Variants in DHX15 observed in about 807,000 individuals in gnomAD.
DHX15 encodes ATP-dependent RNA helicase DHX15.
DHX15 carries 11 observed loss-of-function variants against 94.4 expected under a neutral mutation model. The observed-to-expected ratio is 0.12, with a 90% CI of 0.07 to 0.19. The LOEUF (loss-of-function observed/expected upper bound fraction) is 0.19. Among genes scored for constraint, DHX15 ranks in the 10% least tolerant of loss-of-function variants. The pLI is 1.00. For synonymous variants in DHX15, 338 were observed against 329.9 expected (o/e 1.02, Z -0.27); for missense variants, 304 against 988.5 (o/e 0.31, Z 9.29).
Position 24,573,917 on chromosome 4 carries a change from C to T in DHX15, c.507+2326G>A, listed in dbSNP as rs1240999165. On this transcript the variant is annotated intron_variant, in intron 2 of 13. Transcript: ENST00000336812. ...GTCTGTCAAAAGCTAAAGTCATGGC[C>T]CGGTGCAGTGGCTTGGGCCTGTAAT... Among the ~76,000 whole-genome samples the T allele has an allele frequency of 2.0e-5, 3 of 148,108 alleles. No homozygotes were observed. In the Admixed American group the frequency reaches 2.0e-4, roughly 10 times the overall value.
rs1720988780 is a variant in DHX15, at chr4:24,527,640, C to T, written c.*284G>A. On this transcript the variant is annotated 3_prime_UTR_variant, in exon 14 of 14. Coordinates refer to ENST00000336812, the MANE Select transcript of DHX15 (RefSeq NM_001358.3). The stretch of plus-strand genomic sequence containing the variant: ...AATCACATTTTAGAAGCATTTTCAA[C>T]CATTTCTAAAGAAATGCTTATAACA... The T allele has an allele frequency of 3.6e-6, 1 of 277,338 alleles. No homozygotes were observed. The highest frequency in any genetic ancestry group is 2.2e-5 in the African/African-American group (1 of 46,048). 17.2% of individuals were successfully genotyped at this position (277,338 alleles called of 1,614,324 possible). A position where few individuals can be genotyped will look rare whatever the true frequency, so the allele number is the denominator to read the frequency against.
At chr4:24,568,901 ATTTATTCAG>A (rs1324292990) in intron 3 of DHX15, among the ~76,000 whole-genome samples, 1 of 152,260 alleles carries the variant, frequency 6.6e-6, no homozygotes, top group East Asian at 1.9e-4. Flanking sequence ...AACTACAAGA[ATTTATTCAG>A]TGAAGATTAA....
chr4:24,573,561 T>G (rs1560775427), intron 2 of DHX15, among the ~76,000 whole-genome samples: 1 of 151,978 alleles, frequency 6.6e-6, no homozygotes, highest in Non-Finnish European at 1.5e-5. Context: ...ATCGAAACTT[T>G]TGTTATGAGC....
At chr4:24,555,968 G>C (rs1037071295) in intron 4 of DHX15, among the ~76,000 whole-genome samples, 28 of 152,062 alleles carry the variant, frequency 1.8e-4, no homozygotes, top group Non-Finnish European at 1.5e-5. Flanking sequence ...CTTAATGAAG[G>C]GTACAGTGAG....
chr4:24,577,029 T>C (rs1349250653), intron 1 of DHX15, among the ~76,000 whole-genome samples: 60 of 152,178 alleles, frequency 3.9e-4, no homozygotes, highest in Admixed American at 3.9e-3. Context: ...TAAAAGAAGA[T>C]GGCATCTCAA....
intron 1 of DHX15, among the ~76,000 whole-genome samples, chr4:24,577,761 AG>A (rs1722306829): frequency 6.6e-6 from 1 of 152,170 alleles, no homozygotes; most frequent in African/African-American, 2.4e-5. Context: ...GGCTGAAAGC[AG>A]CCTCTGGGAG....
At chr4:24,539,939 C>T (rs1721275363) in intron 10 of DHX15, 169 bp downstream of exon 10, 1 of 470,860 alleles carries the variant, frequency 2.1e-6, no homozygotes, top group Non-Finnish European at 3.7e-6. Flanking sequence ...CTTTTGTAAG[C>T]ACTATGTCAT....
chr4:24,573,331 T>G (rs1722167887), intron 2 of DHX15, among the ~76,000 whole-genome samples: 2 of 152,212 alleles, frequency 1.3e-5, no homozygotes, highest in Non-Finnish European at 2.9e-5. Context: ...TCCTGTGAAG[T>G]CTTATATGTT....
At chr4:24,544,125 T>TA (rs1171338529) in intron 6 of DHX15, among the ~76,000 whole-genome samples, 6 of 152,062 alleles carry the variant, frequency 3.9e-5, no homozygotes, top group Non-Finnish European at 7.4e-5. Flanking sequence ...AGTTCCATCT[T>TA]AAAAAAACAC....
intron 3 of DHX15, among the ~76,000 whole-genome samples, chr4:24,566,007 G>A (rs1037121909): frequency 2.0e-5 from 3 of 151,752 alleles, no homozygotes; most frequent in Non-Finnish European, 2.9e-5. Flanking sequence ...TATGCTCTAG[G>A]ATCTATTTCC....
chr4:24,529,943 A>T (rs1721039056), intron 12 of DHX15, 173 bp from the exon 13 acceptor site: 1 of 649,120 alleles, frequency 1.5e-6, no homozygotes, highest in Admixed American at 3.0e-5. Flanking sequence ...CTGTGGGCCA[A>T]ATCCAACTCA....
At chr4:24,531,848 A>G (rs982727182) in intron 12 of DHX15, among the ~76,000 whole-genome samples, 7 of 152,234 alleles carry the variant, frequency 4.6e-5, no homozygotes, top group African/African-American at 9.6e-5. Flanking sequence ...AACTCTAATA[A>G]GCCTATTATA....
intron 3 of DHX15, among the ~76,000 whole-genome samples, chr4:24,560,068 G>A (rs116149067): frequency 0.01 from 1,580 of 152,094 alleles, 25 homozygotes; most frequent in African/African-American, 0.036. Context: ...TTTTGCAACA[G>A]GCACATGTAG....
chr4:24,550,862 A>G lies in DHX15; in HGVS notation c.1081-1840T>C, dbSNP rs369810006. Among the ~76,000 whole-genome samples the G allele has an allele frequency of 7.3e-4, 111 of 152,354 alleles. 1 individual carries two copies. The South Asian group carries it at 0.022, about 30-fold the overall frequency. ...CTGGACATAATTGTACATACTATATAGTACTTTTAAAACAACTGGCAGCAA... is the reference window on the plus strand; with the variant it reads ...CTGGACATAATTGTACATACTATATGGTACTTTTAAAACAACTGGCAGCAA... On this transcript the variant is annotated intron_variant, in intron 5 of 13. Coordinates refer to ENST00000336812, the MANE Select transcript of DHX15 (RefSeq NM_001358.3).
At chr4:24,579,815 G>T (rs771444104) in intron 1 of DHX15, among the ~76,000 whole-genome samples, 1 of 152,140 alleles carries the variant, frequency 6.6e-6, no homozygotes, top group Non-Finnish European at 1.5e-5. Context: ...CACCAGGCTG[G>T]AGTGCAGTGG....
intron 4 of DHX15, among the ~76,000 whole-genome samples, chr4:24,555,405 T>C (rs934703495): frequency 6.6e-6 from 1 of 152,118 alleles, no homozygotes; most frequent in Non-Finnish European, 1.5e-5. Flanking sequence ...ACTAAAACCT[T>C]GGTAGCACAA....
intron 5 of DHX15, among the ~76,000 whole-genome samples, chr4:24,553,798 A>C (rs1006910005): frequency 6.6e-6 from 1 of 152,112 alleles, no homozygotes; most frequent in Non-Finnish European, 1.5e-5. Flanking sequence ...CCCCAAAAAG[A>C]AAAAGAAAAA....
chr4:24,566,243 T>C (rs575206276), intron 3 of DHX15, among the ~76,000 whole-genome samples: 32 of 151,942 alleles, frequency 2.1e-4, no homozygotes, highest in Non-Finnish European at 3.1e-4. Context: ...AGAGCCAGGG[T>C]CTCACTATGT....
intron 3 of DHX15, among the ~76,000 whole-genome samples, chr4:24,566,654 T>C (rs1185626292): frequency 1.3e-5 from 2 of 151,980 alleles, no homozygotes; most frequent in Non-Finnish European, 2.9e-5. Flanking sequence ...GGTGAAACTC[T>C]GTCTCTACTA....
Sources: gnomAD v4.1 joint callset for allele counts (sites outside exome capture counted in the v4.1 genomes callset) on GRCh38, gnomAD v4.1.1 for gene constraint, MANE v1.5 for transcripts, NCBI Gene and HGNC (gene_info 2026-07-23, HGNC 2026-07-21) for gene names.